The following ADARB2 variants were observed in gnomAD, a reference collection of about 807,000 sequenced individuals.
The protein encoded by ADARB2 is inactive double-stranded RNA-specific editase B2.
Under a neutral mutation model 62.2 loss-of-function variants are expected in ADARB2, and 25 were observed. That is an observed-to-expected ratio of 0.40 (90% CI 0.29 to 0.56). The LOEUF (loss-of-function observed/expected upper bound fraction) is 0.56. Ranked by LOEUF, ADARB2 falls within the 20% of genes least tolerant of loss-of-function variation. ADARB2 has a pLI of 0.43. For missense variants in ADARB2, 1,071 were observed against 1,077.4 expected (o/e 0.99, Z 0.08); for synonymous variants, 572 against 500.8 (o/e 1.14, Z -1.90).
At chr10:1,676,994 C>A (rs952159207) in intron 1 of ADARB2, among the ~76,000 whole-genome samples, 1 of 152,194 alleles carries the variant, frequency 6.6e-6, no homozygotes, top group Admixed American at 6.5e-5. Flanking sequence ...CCCCCCTGAC[C>A]TGCCTGTTCT....
intron 1 of ADARB2, among the ~76,000 whole-genome samples, chr10:1,459,764 A>G (rs1366258010): frequency 6.6e-6 from 1 of 152,236 alleles, no homozygotes; most frequent in Non-Finnish European, 1.5e-5. Flanking sequence ...TCTGTCTCAA[A>G]AAAAAAGAAT....
intron 1 of ADARB2, among the ~76,000 whole-genome samples, chr10:1,520,482 G>C (rs1409449481): frequency 1.3e-5 from 2 of 152,146 alleles, no homozygotes; most frequent in Non-Finnish European, 2.9e-5. Flanking sequence ...CACATGAAAA[G>C]CTAAACTTAG....
chr10:1,470,380 T>G (rs937227424), intron 1 of ADARB2, among the ~76,000 whole-genome samples: 1 of 152,264 alleles, frequency 6.6e-6, no homozygotes, highest in Non-Finnish European at 1.5e-5. Context: ...AAGATGCTGC[T>G]GATGCAAATA....
intron 1 of ADARB2, among the ~76,000 whole-genome samples, chr10:1,462,677 G>A (rs1017579894): frequency 2.6e-5 from 4 of 152,128 alleles, no homozygotes; most frequent in Admixed American, 2.6e-4. Context: ...GTGCCTGTGT[G>A]TATGTGTGCA....
chr10:1,393,724 A>C (rs1310414846), intron 1 of ADARB2, among the ~76,000 whole-genome samples: 1 of 152,238 alleles, frequency 6.6e-6, no homozygotes, highest in Non-Finnish European at 1.5e-5. Flanking sequence ...ACGCCAACAC[A>C]GACACACACC....
At chr10:1,215,445 G>C (rs1837220864) in intron 7 of ADARB2, among the ~76,000 whole-genome samples, 1 of 152,232 alleles carries the variant, frequency 6.6e-6, no homozygotes, top group Non-Finnish European at 1.5e-5. Context: ...GATGCCCCGG[G>C]TCCTGCTCAG....
chr10:1,316,926 GTGCATGCTTGTA>G (rs1831745166), intron 3 of ADARB2, among the ~76,000 whole-genome samples: 1 of 152,236 alleles, frequency 6.6e-6, no homozygotes, highest in Non-Finnish European at 1.5e-5. Context: ...GCGTGTGTCT[GTGCATGCTTGTA>G]TGCAAAACGC....
At chr10:1,696,901 G>A (rs1834753432) in intron 1 of ADARB2, among the ~76,000 whole-genome samples, 1 of 152,046 alleles carries the variant, frequency 6.6e-6, no homozygotes. Flanking sequence ...GCCACATGCA[G>A]CCCATGATGG....
At chr10:1,273,827 C>T (rs948307796) in intron 3 of ADARB2, among the ~76,000 whole-genome samples, 3 of 152,222 alleles carry the variant, frequency 2.0e-5, no homozygotes, top group Admixed American at 6.5e-5. Context: ...CAGGACCTCC[C>T]GCATCTCCCA....
At chr10:1,242,019 G>T in intron 5 of ADARB2, 112 bp downstream of exon 5, 2 of 1,189,216 alleles carry the variant, frequency 1.7e-6, no homozygotes, top group Non-Finnish European at 2.3e-6. Context: ...GGCTCACCCT[G>T]TGCCAGGATA....
intron 1 of ADARB2, among the ~76,000 whole-genome samples, chr10:1,602,902 T>C (rs1252201278): frequency 2.0e-5 from 3 of 151,336 alleles, no homozygotes; most frequent in Non-Finnish European, 4.4e-5. Flanking sequence ...CATACACATA[T>C]GAACACACAC....
chr10:1,186,489 T>A, intron 8 of ADARB2: 2 of 519,060 alleles, frequency 3.9e-6, no homozygotes, highest in Non-Finnish European at 7.7e-6. Context: ...CCGCGGCACC[T>A]GCATGGCCTC....
At chr10:1,678,940 G>T (rs373776810) in intron 1 of ADARB2, among the ~76,000 whole-genome samples, 3 of 152,168 alleles carry the variant, frequency 2.0e-5, no homozygotes, top group East Asian at 1.9e-4. Flanking sequence ...GTGGCTAGAG[G>T]TGGTGCTGGC....
At chr10:1,440,339 T>C (rs888781908) in intron 1 of ADARB2, among the ~76,000 whole-genome samples, 3 of 152,078 alleles carry the variant, frequency 2.0e-5, no homozygotes, top group African/African-American at 4.8e-5. Context: ...GTCAATCTGA[T>C]CCTCATGGTG....
intron 1 of ADARB2, among the ~76,000 whole-genome samples, chr10:1,536,166 G>A (rs1176366864): frequency 3.3e-5 from 5 of 152,154 alleles, no homozygotes; most frequent in Non-Finnish European, 7.3e-5. Flanking sequence ...GCTGGCATGA[G>A]GAGGTGGTTC....
intron 1 of ADARB2, among the ~76,000 whole-genome samples, chr10:1,571,383 A>G (rs1217881237): frequency 1.3e-5 from 2 of 152,086 alleles, no homozygotes; most frequent in Non-Finnish European, 2.9e-5. Flanking sequence ...GTTTATTTCA[A>G]TCATGTTTGT....
At chr10:1,571,781 G>T (rs1832938804) in intron 1 of ADARB2, among the ~76,000 whole-genome samples, 1 of 151,102 alleles carries the variant, frequency 6.6e-6, no homozygotes, top group Non-Finnish European at 1.5e-5. Flanking sequence ...TGAGTAGGCA[G>T]GTGATATGCT....
At chr10:1,715,486 G>T (rs759624163) in intron 1 of ADARB2, among the ~76,000 whole-genome samples, 1 of 152,088 alleles carries the variant, frequency 6.6e-6, no homozygotes, top group Admixed American at 6.5e-5. Context: ...TAAAAAAATT[G>T]TAGATGAAAA....
intron 1 of ADARB2, among the ~76,000 whole-genome samples, chr10:1,505,512 C>T (rs1421423055): frequency 2.0e-5 from 3 of 152,180 alleles, no homozygotes; most frequent in Non-Finnish European, 4.4e-5. Flanking sequence ...CATCCACACA[C>T]ATCTTCCCTC....
Sources: allele counts gnomAD v4.1 joint callset (sites outside exome capture counted in the v4.1 genomes callset), GRCh38; gene constraint gnomAD v4.1.1; transcripts MANE v1.5; gene names NCBI Gene and HGNC (gene_info 2026-07-23, HGNC 2026-07-21).